The following NRG3 variants were observed in gnomAD, a reference collection of about 807,000 sequenced individuals.
NRG3 encodes the protein neuregulin 3, also known as pro-neuregulin-3, membrane-bound isoform.
A neutral mutation model predicts 66.9 loss-of-function variants in NRG3; 31 were observed. That is an observed-to-expected ratio of 0.46 (90% CI 0.35 to 0.63). NRG3 has a LOEUF of 0.63. NRG3 is among the 20% of genes least tolerant of loss of function. The pLI, the probability that NRG3 is intolerant of heterozygous loss-of-function variation, is 0.00. For synonymous variants in NRG3, 393 were observed against 359.4 expected (o/e 1.09, Z -1.06); for missense variants, 910 against 878.9 (o/e 1.04, Z -0.45).
At chr10:82,176,545 G>C (rs1263356622) in intron 1 of NRG3, among the ~76,000 whole-genome samples, 2 of 152,118 alleles carry the variant, frequency 1.3e-5, no homozygotes, top group African/African-American at 4.8e-5. Context: ...AGAGCACACT[G>C]AAGGGGAGAG....
chr10:82,557,429 A>G (rs1309890003), intron 2 of NRG3, among the ~76,000 whole-genome samples: 1 of 151,912 alleles, frequency 6.6e-6, no homozygotes, highest in Non-Finnish European at 1.5e-5. Context: ...GGCTGCATGT[A>G]TGTCTTTTTT....
intron 2 of NRG3, among the ~76,000 whole-genome samples, chr10:82,441,017 C>T (rs930085693): frequency 1.3e-5 from 2 of 152,178 alleles, no homozygotes; most frequent in African/African-American, 4.8e-5. Flanking sequence ...AATATAAATA[C>T]ATAACAAATC....
At chr10:82,073,669 G>A (rs2064931446) in intron 1 of NRG3, among the ~76,000 whole-genome samples, 2 of 151,980 alleles carry the variant, frequency 1.3e-5, no homozygotes, top group Non-Finnish European at 1.5e-5. Context: ...TAATTTATCT[G>A]GTGTCTTCCA....
At chr10:82,706,044 C>T (rs575136479) in intron 2 of NRG3, among the ~76,000 whole-genome samples, 1 of 152,274 alleles carries the variant, frequency 6.6e-6, no homozygotes, top group East Asian at 1.9e-4. Flanking sequence ...GTAGGGACAG[C>T]TCCAACCTGG....
chr10:82,860,108 A>G (rs1277423534), intron 3 of NRG3, among the ~76,000 whole-genome samples: 1 of 152,176 alleles, frequency 6.6e-6, no homozygotes. Context: ...TGTATGTGCA[A>G]GCAAATAACT....
At chr10:82,940,101 G>T (rs10509463) in intron 4 of NRG3, among the ~76,000 whole-genome samples, 57,556 of 151,836 alleles carry the variant, frequency 0.38, 11,782 homozygotes, top group Middle Eastern at 0.48. Flanking sequence ...ATGCAGTTAT[G>T]GAAAAGGTGC....
intron 3 of NRG3, among the ~76,000 whole-genome samples, chr10:82,839,239 C>A (rs2062935577): frequency 6.6e-6 from 1 of 151,990 alleles, no homozygotes; most frequent in African/African-American, 2.4e-5. Flanking sequence ...AAAAAATTAC[C>A]ATTTTCTTAA....
chr10:82,946,542 A>AC (rs1849041015), intron 4 of NRG3, among the ~76,000 whole-genome samples: 1 of 152,114 alleles, frequency 6.6e-6, no homozygotes, highest in African/African-American at 2.4e-5. Flanking sequence ...TGCCTCAAAA[A>AC]AAAAAAGCCA....
intron 1 of NRG3, among the ~76,000 whole-genome samples, chr10:82,308,620 A>G (rs1292995431): frequency 2.6e-5 from 4 of 152,178 alleles, no homozygotes; most frequent in African/African-American, 7.2e-5. Context: ...AAAACTAGAC[A>G]TATGCAGCCA....
At chr10:82,499,314 A>G (rs752771880) in intron 2 of NRG3, among the ~76,000 whole-genome samples, 2 of 152,122 alleles carry the variant, frequency 1.3e-5, no homozygotes, top group Non-Finnish European at 2.9e-5. Context: ...ATAACTAACA[A>G]TTTTGGAGAA....
intron 6 of NRG3, among the ~76,000 whole-genome samples, chr10:82,972,608 G>A (rs1279083180): frequency 1.3e-5 from 2 of 152,130 alleles, no homozygotes; most frequent in Non-Finnish European, 2.9e-5. Flanking sequence ...GGTACTTAGG[G>A]TGGAATTTAT....
At position 82,833,287 on chromosome 10, in the gene NRG3, C is replaced by T. The variant is rs914341180; in HGVS notation, c.1028-32124C>T. Among the ~76,000 whole-genome samples, 3 of 152,122 alleles carry T rather than the reference C, an allele frequency of 2.0e-5. No individual in the cohort carries two copies. In the South Asian group the frequency reaches 6.2e-4, roughly 32 times the overall value. ...CTCTGTTTTTAATACAGAACTTCAA[C>T]AGATCTTAAGAGCATTCTACTCAGT... is the stretch of plus-strand genomic sequence containing the variant. On this transcript the variant is annotated intron_variant, in intron 3 of 8. Transcript: ENST00000372141.
At chr10:82,782,498 G>A (rs1161066194) in intron 3 of NRG3, among the ~76,000 whole-genome samples, 9 of 152,040 alleles carry the variant, frequency 5.9e-5, no homozygotes, top group Non-Finnish European at 1.3e-4. Flanking sequence ...CAGGTATTCT[G>A]TTACCTCAGC....
At chr10:82,078,617 TGG>T (rs974947415) in intron 1 of NRG3, among the ~76,000 whole-genome samples, 5 of 152,204 alleles carry the variant, frequency 3.3e-5, no homozygotes, top group Non-Finnish European at 5.9e-5. Flanking sequence ...CCCAAAGTGC[TGG>T]GATTACAGGT....
Position 82,777,282 on chromosome 10 carries a change from G to A in NRG3, c.1027+38632G>A, listed in dbSNP as rs1393138266. Among the ~76,000 whole-genome samples the A allele has an allele frequency of 3.3e-5, 5 of 152,060 alleles. No homozygotes were observed. In the East Asian group the frequency reaches 9.7e-4, roughly 29 times the overall value. ...TAAGTTGTATGGTTCTTGGTGATAA[G>A]GGCTTTAGGGGTCTTCCTGTTTATG... On this transcript the variant is annotated intron_variant, in intron 3 of 8. Coordinates refer to ENST00000372141, the MANE Select transcript of NRG3 (RefSeq NM_001010848.4).
chr10:81,885,126 A>G (rs1305309325), intron 1 of NRG3, among the ~76,000 whole-genome samples: 2 of 152,072 alleles, frequency 1.3e-5, no homozygotes, highest in Non-Finnish European at 2.9e-5. Context: ...ATTTTCTCTT[A>G]TGGCTGCTTG....
chr10:82,361,118 A>T (rs1049830025), intron 2 of NRG3, among the ~76,000 whole-genome samples: 1 of 152,240 alleles, frequency 6.6e-6, no homozygotes, highest in African/African-American at 2.4e-5. Flanking sequence ...TCTCATGTCC[A>T]TAAAAGAAAA....
intron 1 of NRG3, among the ~76,000 whole-genome samples, chr10:82,281,917 C>G (rs935278906): frequency 1.3e-5 from 2 of 152,136 alleles, no homozygotes; most frequent in African/African-American, 4.8e-5. Context: ...GTAGACATGG[C>G]TATTTGTTGG....
chr10:82,435,454 T>A (rs893434600), intron 2 of NRG3, among the ~76,000 whole-genome samples: 2 of 152,118 alleles, frequency 1.3e-5, no homozygotes, highest in Admixed American at 6.6e-5. Context: ...CCTTCAGTTC[T>A]TCTCTGATCT....
Sources: allele counts gnomAD v4.1 joint callset (sites outside exome capture counted in the v4.1 genomes callset), GRCh38; gene constraint gnomAD v4.1.1; transcripts MANE v1.5; gene names NCBI Gene and HGNC (gene_info 2026-07-23, HGNC 2026-07-21).